NFATC3: variants seen among roughly 807,000 people sequenced by gnomAD.
The protein encoded by NFATC3 is nuclear factor of activated T cells 3.
NFATC3 carries 46 observed loss-of-function variants against 98.6 expected under a neutral mutation model. The ratio of observed to expected loss-of-function variants is 0.47; its 90% confidence interval spans 0.37 to 0.60. The LOEUF is 0.60. NFATC3 is among the 20% of genes least tolerant of loss of function. The pLI, the probability that NFATC3 is intolerant of heterozygous loss-of-function variation, is 0.00. For synonymous variants in NFATC3, 512 were observed against 472.2 expected, an observed-to-expected ratio of 1.08 and a Z score of -1.09; for missense variants, 1,256 against 1,295.5, an observed-to-expected ratio of 0.97 and a Z score of 0.47.
chr16:68,122,780 C>G lies in NFATC3; in HGVS notation c.897C>G (p.His299Gln), dbSNP rs553358049. The change falls in exon 2 of 10, where the codon CAC (histidine) becomes CAG (glutamine). Residue 299 changes from histidine (H) to glutamine (Q), a missense_variant. By Grantham distance (24) the His-to-Gln change is conservative (BLOSUM62 0). This residue lies in a region of NFATC3 where 464 missense variants were observed against 465.7 expected (regional missense o/e 1.00). Coordinates refer to ENST00000346183, the MANE Select transcript of NFATC3 (RefSeq NM_173165.3). ...ACTCACCTGTTCCTTCACCTGGTCA[C>G]TCCCCCAGGGGAAGTGTGACAGAAG... ...PHHSPVPSPGHSPRGSVTEDT... is the reference protein window; with the variant it reads ...PHHSPVPSPGQSPRGSVTEDT... 4.0e-5 allele frequency: 65 copies of G among 1,614,276 alleles called. No homozygotes were observed. The South Asian group carries it at 5.9e-4, about 15-fold the overall frequency.
At chr16:68,191,858 G>C in intron 9 of NFATC3, 83 bp downstream of exon 9, 1 of 1,445,322 alleles carries the variant, frequency 6.9e-7, no homozygotes, top group Non-Finnish European at 9.6e-7. Context: ...AGTTTCTATG[G>C]ATTGCTTATT....
rs144086341 is a variant in NFATC3, at chr16:68,089,268, T to TA, written c.103+3487dup. On this transcript the variant is annotated intron_variant, in intron 1 of 9. Coordinates refer to ENST00000346183, the MANE Select transcript of NFATC3 (RefSeq NM_173165.3). The stretch of plus-strand genomic sequence containing the variant: ...TAGTGAATGTCCTAAGCAAGCTTGT[T>TA]AAAGTGCTAATTAGATGATGTGAGA... The TA allele has an allele frequency of 1.3e-4, 124 of 985,390 alleles. No individual in the cohort carries two copies. The African/African-American group carries it at 2.0e-3, about 16-fold the overall frequency. 61.0% of individuals were successfully genotyped at this position (985,390 alleles called of 1,614,324 possible).
chr16:68,201,848 C>T (rs1401405300), intron 9 of NFATC3, among the ~76,000 whole-genome samples: 1 of 113,966 alleles, frequency 8.8e-6, no homozygotes, highest in Non-Finnish European at 2.0e-5. Flanking sequence ...GTCCCAGCTA[C>T]TTGGGAGGCT....
At chr16:68,209,968 C>G (rs1347280617) in intron 9 of NFATC3, among the ~76,000 whole-genome samples, 1 of 137,814 alleles carries the variant, frequency 7.3e-6, no homozygotes, top group East Asian at 2.0e-4. Flanking sequence ...GAGTTCAAGA[C>G]CAGCCTGGGC....
intron 9 of NFATC3, among the ~76,000 whole-genome samples, chr16:68,224,274 CT>C (rs952835724): frequency 5.1e-3 from 624 of 121,646 alleles, no homozygotes; most frequent in Non-Finnish European, 7.4e-3. Context: ...TAAGCCAAAT[CT>C]TTTTTTTTTT....
Position 68,202,411 on chromosome 16 carries a change from T to C in NFATC3, c.3106+10636T>C, listed in dbSNP as rs989134309. 1.9e-4 allele frequency among the ~76,000 whole-genome samples: 29 copies of C among 152,102 alleles called. 2 individuals carry two copies. Among genetic ancestry groups the C allele is most frequent in the Non-Finnish European group, 1.5e-5 (1 of 68,004 alleles). On this transcript the variant is annotated intron_variant, in intron 9 of 9. Coordinates refer to ENST00000346183, the MANE Select transcript of NFATC3 (RefSeq NM_173165.3). ...TAAACACAACATTCAGGTGGTTACT[T>C]GGATGTGGGAAGCAGGAGACTGGTA...
chr16:68,107,366 A>G (rs2035714571), intron 1 of NFATC3, among the ~76,000 whole-genome samples: 1 of 152,210 alleles, frequency 6.6e-6, no homozygotes, highest in South Asian at 2.1e-4. Context: ...CATCCCTACC[A>G]AGAGTATAAA....
chr16:68,150,186 G>GC (rs2038238813), intron 3 of NFATC3, among the ~76,000 whole-genome samples: 1 of 152,018 alleles, frequency 6.6e-6, no homozygotes, highest in African/African-American at 2.4e-5. Context: ...TTCTAGATCA[G>GC]TGTCTCTCAG....
At chr16:68,196,512 A>G (rs1379252960) in intron 9 of NFATC3, among the ~76,000 whole-genome samples, 1 of 152,186 alleles carries the variant, frequency 6.6e-6, no homozygotes, top group African/African-American at 2.4e-5. Context: ...CCTAGAAAAA[A>G]AAGTTCTGCA....
At chr16:68,092,465 A>T (rs1260671372) in intron 1 of NFATC3, among the ~76,000 whole-genome samples, 1 of 149,128 alleles carries the variant, frequency 6.7e-6, no homozygotes, top group Non-Finnish European at 1.5e-5. Flanking sequence ...AAAAAAAAAA[A>T]ATAAATAAAT....
chr16:68,096,751 A>G (rs2151451202), intron 1 of NFATC3, among the ~76,000 whole-genome samples: 1 of 152,338 alleles, frequency 6.6e-6, no homozygotes, highest in South Asian at 2.1e-4. Flanking sequence ...GCCGATTATC[A>G]CACCCAAAGA....
chr16:68,170,033 G>A (rs1017261466), intron 5 of NFATC3, among the ~76,000 whole-genome samples: 3 of 151,986 alleles, frequency 2.0e-5, no homozygotes, highest in Non-Finnish European at 4.4e-5. Context: ...GCGACAGAGT[G>A]AGACTCCATC....
At chr16:68,136,017 C>G (rs574265549) in intron 3 of NFATC3, among the ~76,000 whole-genome samples, 11 of 151,680 alleles carry the variant, frequency 7.3e-5, no homozygotes, top group African/African-American at 2.2e-4. Context: ...GAGCCGAGAT[C>G]GCGTCATTGC....
chr16:68,088,323 C>CTA (rs2034500206), intron 1 of NFATC3, among the ~76,000 whole-genome samples: 3 of 144,094 alleles, frequency 2.1e-5, no homozygotes, highest in Middle Eastern at 3.8e-3. Flanking sequence ...ATAGTAGGCA[C>CTA]TATATATATA....
At chr16:68,178,433 C>T (rs993555913) in intron 6 of NFATC3, among the ~76,000 whole-genome samples, 1 of 152,164 alleles carries the variant, frequency 6.6e-6, no homozygotes, top group Non-Finnish European at 1.5e-5. Flanking sequence ...ATTAATTCAT[C>T]AATTATTTAT....
In NFATC3 at chr16:68,163,821, G is replaced by A. The variant is rs1235040335; in HGVS notation, c.1602-3022G>A. On this transcript the variant is annotated intron_variant, in intron 4 of 9. Coordinates refer to ENST00000346183, the MANE Select transcript of NFATC3 (RefSeq NM_173165.3). ...AGACGATGGGCGGCCGGGCAGAGAC[G>A]CTCCTCACTTCCTAGATGGGATGGC... 3.9e-3 allele frequency among the ~76,000 whole-genome samples: 412 copies of A among 106,508 alleles called. 2 individuals carry two copies. Among genetic ancestry groups the A allele is most frequent in the African/African-American group, 0.014 (397 of 28,494 alleles). The allele number at this position is 106,508 out of a possible 152,430, so 69.9% of individuals were successfully genotyped here. A position where few individuals can be genotyped will look rare whatever the true frequency, so the allele number is the denominator to read the frequency against.
intron 9 of NFATC3, among the ~76,000 whole-genome samples, chr16:68,195,209 C>T (rs1033458167): frequency 6.6e-5 from 10 of 151,584 alleles, no homozygotes; most frequent in African/African-American, 9.7e-5. Context: ...GAGCTGAGAT[C>T]GCGCCATTGT....
At chr16:68,198,668 G>A (rs1256526411) in intron 9 of NFATC3, among the ~76,000 whole-genome samples, 2 of 152,078 alleles carry the variant, frequency 1.3e-5, no homozygotes, top group Admixed American at 1.3e-4. Context: ...CCAGCACTTC[G>A]TGAGGCCAAG....
At chr16:68,140,887 C>T (rs901047945) in intron 3 of NFATC3, among the ~76,000 whole-genome samples, 4 of 152,004 alleles carry the variant, frequency 2.6e-5, no homozygotes, top group South Asian at 2.1e-4. Context: ...TTTCAGTGCA[C>T]CTCTCACCCA....
Sources: gnomAD v4.1 joint callset for allele counts (sites outside exome capture counted in the v4.1 genomes callset) on GRCh38, gnomAD v4.1.1 for gene constraint, gnomAD v4.1.1 regional missense constraint, MANE v1.5 for transcripts, NCBI Gene and HGNC (gene_info 2026-07-23, HGNC 2026-07-21) for gene names.